Variants in DYNC1I1 observed in about 807,000 individuals in gnomAD.
The protein encoded by DYNC1I1 is dynein cytoplasmic 1 intermediate chain 1, also known as cytoplasmic dynein 1 intermediate chain 1.
In DYNC1I1, 43 loss-of-function variants were observed where a neutral mutation model predicts 86.6. The observed-to-expected ratio is 0.50, with a 90% CI of 0.39 to 0.64. The LOEUF (loss-of-function observed/expected upper bound fraction) is 0.64, where lower values mean the gene tolerates loss of function less well. DYNC1I1 is among the 30% of genes least tolerant of loss of function. The pLI, the probability that DYNC1I1 is intolerant of heterozygous loss-of-function variation, is 0.00. For missense variants in DYNC1I1, 604 were observed against 788.8 expected (o/e 0.77, Z 2.81); for synonymous variants, 262 against 283.7 (o/e 0.92, Z 0.77).
At chr7:96,051,091 A>AT (rs534995482) in intron 14 of DYNC1I1, among the ~76,000 whole-genome samples, 15 of 151,986 alleles carry the variant, frequency 9.9e-5, no homozygotes, top group African/African-American at 3.4e-4. Flanking sequence ...GTTTTGGATA[A>AT]TTTTTTTTCC....
intron 6 of DYNC1I1, among the ~76,000 whole-genome samples, chr7:95,934,084 A>G (rs1791975820): frequency 6.6e-6 from 1 of 152,124 alleles, no homozygotes; most frequent in South Asian, 2.1e-4. Context: ...AACAGTGATA[A>G]AGAAGAAAAT....
intron 14 of DYNC1I1, among the ~76,000 whole-genome samples, chr7:96,047,423 G>A (rs1253449595): frequency 6.6e-6 from 1 of 152,168 alleles, no homozygotes; most frequent in Non-Finnish European, 1.5e-5. Flanking sequence ...ATGCAATCTT[G>A]GACCTGCTGA....
chr7:95,785,921 G>C (rs186214330), intron 1 of DYNC1I1, among the ~76,000 whole-genome samples: 1 of 150,992 alleles, frequency 6.6e-6, no homozygotes, highest in Non-Finnish European at 1.5e-5. Flanking sequence ...TATTGCAAAT[G>C]CTAAGGTATC....
intron 6 of DYNC1I1, among the ~76,000 whole-genome samples, chr7:95,963,970 T>C (rs960091366): frequency 6.6e-6 from 1 of 152,214 alleles, no homozygotes; most frequent in Admixed American, 6.5e-5. Flanking sequence ...TTTCTTCTTT[T>C]ATAATTAATA....
intron 6 of DYNC1I1, among the ~76,000 whole-genome samples, chr7:95,872,968 G>C (rs560931483): frequency 1.2e-3 from 176 of 152,246 alleles, no homozygotes; most frequent in African/African-American, 4.1e-3. Context: ...CCCAAGAAAT[G>C]CTGTTGAACG....
At chr7:96,024,893 A>G (rs1794639936) in intron 10 of DYNC1I1, among the ~76,000 whole-genome samples, 1 of 152,174 alleles carries the variant, frequency 6.6e-6, no homozygotes, top group Admixed American at 6.5e-5. Context: ...AGTAATGACT[A>G]GATAGGTAGC....
intron 6 of DYNC1I1, among the ~76,000 whole-genome samples, chr7:95,963,127 C>G (rs569978024): frequency 6.6e-6 from 1 of 152,122 alleles, no homozygotes. Context: ...CTCCTCTCTA[C>G]GTCCTTATTT....
intron 6 of DYNC1I1, among the ~76,000 whole-genome samples, chr7:95,871,714 G>A (rs74817594): frequency 0.094 from 14,339 of 152,170 alleles, 1,432 homozygotes; most frequent in East Asian, 0.32. Context: ...TTAAACTGGA[G>A]CACATCAAAA....
intron 6 of DYNC1I1, among the ~76,000 whole-genome samples, chr7:95,886,845 T>A (rs1156475442): frequency 6.6e-6 from 1 of 152,204 alleles, no homozygotes; most frequent in Non-Finnish European, 1.5e-5. Context: ...AAACACTTCC[T>A]TGTGAGTGAT....
intron 6 of DYNC1I1, 146 bp from the exon 7 acceptor site, chr7:95,977,366 A>C: frequency 1.7e-6 from 1 of 588,288 alleles, no homozygotes; most frequent in Non-Finnish European, 2.9e-6. Flanking sequence ...ATGAACATTT[A>C]TCTTGGGCAT....
At position 95,804,834 on chromosome 7, in the gene DYNC1I1, A is replaced by G; in HGVS notation, c.105A>G (p.Lys35=). 6.4e-7 allele frequency: 1 copy of G among 1,555,954 alleles called. No individual in the cohort carries two copies. Among genetic ancestry groups the G allele is most frequent in the Non-Finnish European group, 8.7e-7 (1 of 1,148,510 alleles). ...GGAAGGAAGAGGAGAGGAAAAAGAA[A>G]GAGGTAAATCCTGGGTGTTGGGGTG... The part of the protein sequence containing the change: ...KKRKEEERKK[K]EADMQQKKEP... Residue 35 remains lysine (K), a synonymous_variant, in exon 2 of 17, where the codon AAA becomes AAG. Transcript: ENST00000447467.
chr7:95,939,697 A>C (rs1300976019), intron 6 of DYNC1I1, among the ~76,000 whole-genome samples: 1 of 151,684 alleles, frequency 6.6e-6, no homozygotes, highest in Non-Finnish European at 1.5e-5. Flanking sequence ...GTGTCTCTGC[A>C]CGTGAGATGG....
intron 5 of DYNC1I1, among the ~76,000 whole-genome samples, chr7:95,846,007 A>G (rs1584272947): frequency 6.6e-6 from 1 of 152,186 alleles, no homozygotes; most frequent in Non-Finnish European, 1.5e-5. Flanking sequence ...ATGTAGGCCA[A>G]TTGTTAAGGA....
rs77830901 is a variant in DYNC1I1 at position 95,862,768 on chromosome 7, C to T, written c.375-7115C>T. Reference sequence around the variant, plus strand: ...GTGTACAGCCATCTCTCCATATCCTCGGGGGATTGGTTCTAGGAATTCCCC... The same window carrying T: ...GTGTACAGCCATCTCTCCATATCCTTGGGGGATTGGTTCTAGGAATTCCCC... On this transcript the variant is annotated intron_variant, in intron 5 of 16. Coordinates refer to ENST00000447467, the MANE Select transcript of DYNC1I1 (RefSeq NM_001135556.2). Among the ~76,000 whole-genome samples the T allele has an allele frequency of 7.7e-3, 1,172 of 152,246 alleles. 7 individuals carry two copies. Among genetic ancestry groups the T allele is most frequent in the Non-Finnish European group, 0.012 (785 of 68,020 alleles).
At chr7:96,025,981 A>G (rs892427638) in intron 10 of DYNC1I1, among the ~76,000 whole-genome samples, 4 of 152,192 alleles carry the variant, frequency 2.6e-5, no homozygotes, top group Non-Finnish European at 4.4e-5. Context: ...TACCACCTGG[A>G]TAATTTTAAA....
At chr7:95,995,103 C>T (rs754479490) in intron 9 of DYNC1I1, among the ~76,000 whole-genome samples, 23 of 151,924 alleles carry the variant, frequency 1.5e-4, no homozygotes, top group African/African-American at 5.3e-4. Flanking sequence ...AAAAATTAGC[C>T]AGGCGTGGTG....
chr7:96,078,031 C>T (rs925741634), intron 15 of DYNC1I1, among the ~76,000 whole-genome samples: 4 of 152,002 alleles, frequency 2.6e-5, no homozygotes, highest in Admixed American at 6.5e-5. Context: ...AGTAATGAAC[C>T]GAACACTTTT....
At chr7:95,993,672 C>T (rs1207877822) in intron 9 of DYNC1I1, among the ~76,000 whole-genome samples, 2 of 152,170 alleles carry the variant, frequency 1.3e-5, no homozygotes, top group African/African-American at 2.4e-5. Flanking sequence ...TCACTGTACG[C>T]TTATACTTCC....
intron 5 of DYNC1I1, among the ~76,000 whole-genome samples, chr7:95,837,253 G>A (rs1160296805): frequency 6.6e-6 from 1 of 150,548 alleles, no homozygotes; most frequent in Non-Finnish European, 1.5e-5. Context: ...TGCCCCTGCT[G>A]GGGGGTGCCT....
Sources: allele counts gnomAD v4.1 joint callset (sites outside exome capture counted in the v4.1 genomes callset), GRCh38; gene constraint gnomAD v4.1.1; transcripts MANE v1.5; gene names NCBI Gene and HGNC (gene_info 2026-07-23, HGNC 2026-07-21).